Variants in ARID5B observed in about 807,000 individuals in gnomAD.
The protein encoded by ARID5B is AT-rich interactive domain-containing protein 5B.
A neutral mutation model predicts 97.2 loss-of-function variants in ARID5B; 13 were observed. That is an observed-to-expected ratio of 0.13 (90% CI 0.09 to 0.21). The LOEUF (loss-of-function observed/expected upper bound fraction) is 0.21, where lower values mean the gene tolerates loss of function less well. Among genes scored for constraint, ARID5B ranks in the 10% least tolerant of loss-of-function variants. ARID5B has a pLI of 1.00. For synonymous variants in ARID5B, 556 were observed against 570.3 expected (o/e 0.97, Z 0.36); for missense variants, 1,210 against 1,465.3 (o/e 0.83, Z 2.84).
chr10:61,996,863 A>AT, intron 3 of ARID5B, among the ~76,000 whole-genome samples: 1 of 149,580 alleles, frequency 6.7e-6, no homozygotes, highest in East Asian at 1.9e-4. Flanking sequence ...AGAAATAAGA[A>AT]TTTTTTAAAA....
chr10:62,076,107 C>G (rs767085545), intron 8 of ARID5B, among the ~76,000 whole-genome samples: 1 of 152,226 alleles, frequency 6.6e-6, no homozygotes, highest in Non-Finnish European at 1.5e-5. Context: ...AGCCCGGGTT[C>G]AGCCTCAGAA....
intron 4 of ARID5B, among the ~76,000 whole-genome samples, chr10:62,044,375 C>CTT (rs10586947): frequency 2.3e-5 from 3 of 129,432 alleles, no homozygotes; most frequent in Non-Finnish European, 4.9e-5. Context: ...TTCATTTGCT[C>CTT]TTTTTTTTTT....
rs1012356350 is a variant in ARID5B, at chr10:61,947,351, G to A, written c.502+6943G>A. Among the ~76,000 whole-genome samples the A allele has an allele frequency of 5.5e-5, 8 of 146,066 alleles. No individual in the cohort carries two copies. In the East Asian group the frequency reaches 6.3e-4, roughly 11 times the overall value. On this transcript the variant is annotated intron_variant, in intron 3 of 9. Coordinates refer to ENST00000279873, the MANE Select transcript of ARID5B (RefSeq NM_032199.3). ...TGGTGCGATCTTGGCTCACTGTAAC[G>A]TCTGCTTCCTGGGTTCAAGCAATTC...
At chr10:61,955,027 A>C (rs1416193268) in intron 3 of ARID5B, among the ~76,000 whole-genome samples, 1 of 151,588 alleles carries the variant, frequency 6.6e-6, no homozygotes, top group East Asian at 1.9e-4. Context: ...AAAGCAATCT[A>C]TGATGTGCCA....
In ARID5B at chr10:62,096,053, C is replaced by G; in HGVS notation, c.*3023C>G. On this transcript the variant is annotated 3_prime_UTR_variant, in exon 10 of 10. Coordinates refer to ENST00000279873, the MANE Select transcript of ARID5B (RefSeq NM_032199.3). ...CCACATGATAAAAAAATAAAAACAG[C>G]CCAACCGAGTTTCGGAATTAAGTAT... 1 of 233,196 alleles carries G rather than the reference C, an allele frequency of 4.3e-6. No homozygotes were observed. The highest frequency in any genetic ancestry group is 8.5e-6 in the Non-Finnish European group (1 of 117,928). 14.4% of individuals were successfully genotyped at this position (233,196 alleles called of 1,614,324 possible).
intron 4 of ARID5B, chr10:62,049,339 C>A: frequency 1.3e-6 from 2 of 1,525,654 alleles, no homozygotes; most frequent in South Asian, 1.3e-5. Context: ...GTAAGCAGAG[C>A]GCTGAGCCTC....
chr10:62,079,112 C>T (rs527675219), intron 8 of ARID5B, among the ~76,000 whole-genome samples: 1 of 152,326 alleles, frequency 6.6e-6, no homozygotes, highest in African/African-American at 2.4e-5. Context: ...TCTCAGGTAA[C>T]TCCTTAGGAG....
At chr10:62,026,895 T>A (rs187916470) in intron 4 of ARID5B, among the ~76,000 whole-genome samples, 2 of 152,140 alleles carry the variant, frequency 1.3e-5, no homozygotes, top group African/African-American at 4.8e-5. Flanking sequence ...TGGCTGAAAA[T>A]GAATAAATGA....
chr10:62,077,048 G>A (rs1381907491), intron 8 of ARID5B, among the ~76,000 whole-genome samples: 1 of 151,968 alleles, frequency 6.6e-6, no homozygotes, highest in Non-Finnish European at 1.5e-5. Context: ...TAGGCTGACT[G>A]AGGTTGTACA....
Position 62,000,325 on chromosome 10 carries a change from A to T in ARID5B, c.733+4A>T. On this transcript the variant is annotated splice_donor_region_variant and intron_variant, in intron 4 of 9. Coordinates refer to ENST00000279873, the MANE Select transcript of ARID5B (RefSeq NM_032199.3). The surrounding 1 kb of genome is among the most constrained non-coding windows in gnomAD (Gnocchi z 4.4). Reference sequence around the variant, plus strand: ...GAGAGTATATGCGATGAGTTTGGTGAGTCTTTTTTTTTTTTTCCTACCTGA... The same window carrying T: ...GAGAGTATATGCGATGAGTTTGGTGTGTCTTTTTTTTTTTTTCCTACCTGA... The T allele has an allele frequency of 4.5e-6, 7 of 1,557,804 alleles. No homozygotes were observed. The South Asian group carries it at 8.4e-5, about 19-fold the overall frequency.
chr10:62,006,150 G>A (rs1839143457), intron 4 of ARID5B, among the ~76,000 whole-genome samples: 2 of 152,140 alleles, frequency 1.3e-5, no homozygotes, highest in Non-Finnish European at 2.9e-5. Flanking sequence ...ATTAAAGAAT[G>A]GTCTAACCAG....
chr10:61,953,958 C>T lies in ARID5B; in HGVS notation c.502+13550C>T, dbSNP rs563753459. On this transcript the variant is annotated intron_variant, in intron 3 of 9. Coordinates refer to ENST00000279873, the MANE Select transcript of ARID5B (RefSeq NM_032199.3). Reference sequence around the variant, plus strand: ...ATGTTATTTCATTTTATTTAATTCACAAACACTTGAGTTATCTATTATAAG... The same window carrying T: ...ATGTTATTTCATTTTATTTAATTCATAAACACTTGAGTTATCTATTATAAG... Among the ~76,000 whole-genome samples the T allele has an allele frequency of 3.2e-4, 48 of 152,284 alleles. 1 individual carries two copies. Among genetic ancestry groups the T allele is most frequent in the African/African-American group, 8.7e-4 (36 of 41,554 alleles).
At chr10:61,970,617 C>A (rs1434829389) in intron 3 of ARID5B, among the ~76,000 whole-genome samples, 1 of 152,050 alleles carries the variant, frequency 6.6e-6, no homozygotes, top group Non-Finnish European at 1.5e-5. Context: ...GGCAAGAGCG[C>A]CGAGGAGGTT....
At chr10:62,015,423 G>A (rs1443168718) in intron 4 of ARID5B, among the ~76,000 whole-genome samples, 1 of 152,078 alleles carries the variant, frequency 6.6e-6, no homozygotes, top group Non-Finnish European at 1.5e-5. Context: ...TGCTCTTACG[G>A]GTTGTGTTGT....
At chr10:62,020,824 G>A (rs1198031325) in intron 4 of ARID5B, among the ~76,000 whole-genome samples, 1 of 151,790 alleles carries the variant, frequency 6.6e-6, no homozygotes, top group East Asian at 1.9e-4. Context: ...TTATAAAGGA[G>A]ATAAAAAGTG....
chr10:62,057,134 G>A lies in ARID5B; in HGVS notation c.864G>A (p.Arg288=), dbSNP rs750616534. The A allele has an allele frequency of 3.1e-6, 5 of 1,613,574 alleles. No individual in the cohort carries two copies. The highest frequency in any genetic ancestry group is 4.2e-6 in the Non-Finnish European group (5 of 1,179,732). Residue 288 remains arginine (R), a synonymous_variant, in exon 6 of 10, where the codon AGG becomes AGA. Transcript: ENST00000279873. ...KAVAKVKCEA[R]SALTKPKNNH... is the part of the protein sequence containing the mutation. ...TTTTCCAGGTGAAATGTGAGGCCAG[G>A]TCAGCCTTGACCAAGCCGAAGAATA... is the stretch of plus-strand genomic sequence containing the variant.
At chr10:62,018,005 G>C (rs1181723848) in intron 4 of ARID5B, among the ~76,000 whole-genome samples, 1 of 152,170 alleles carries the variant, frequency 6.6e-6, no homozygotes, top group African/African-American at 2.4e-5. Flanking sequence ...TATTTTTAAA[G>C]AAGTGGCCAG....
At chr10:62,065,845 C>CAAAAAAAA (rs60296263) in intron 7 of ARID5B, among the ~76,000 whole-genome samples, 4 of 88,664 alleles carry the variant, frequency 4.5e-5, no homozygotes, top group Admixed American at 2.6e-4. Flanking sequence ...GACTCTGTCT[C>CAAAAAAAA]AAAAAAAAAA....
At chr10:62,043,517 G>A (rs759681961) in intron 4 of ARID5B, among the ~76,000 whole-genome samples, 15 of 152,180 alleles carry the variant, frequency 9.9e-5, no homozygotes, top group Non-Finnish European at 2.2e-4. Context: ...TATCACTGCT[G>A]GTAAAGCTGA....
Sources: allele counts gnomAD v4.1 joint callset (sites outside exome capture counted in the v4.1 genomes callset), GRCh38; gene constraint gnomAD v4.1.1; non-coding constraint Gnocchi (gnomAD v3.1); transcripts MANE v1.5; gene names NCBI Gene and HGNC (gene_info 2026-07-23, HGNC 2026-07-21).